ODAD4: variants seen among roughly 807,000 people sequenced by gnomAD.
ODAD4 encodes outer dynein arm-docking complex subunit 4.
A neutral mutation model predicts 51.8 loss-of-function variants in ODAD4; 49 were observed. That is an observed-to-expected ratio of 0.95 (90% CI 0.75 to 1.20). The LOEUF is 1.20. Ranked by LOEUF, ODAD4 falls within the 50% of genes most tolerant of loss-of-function variation. ODAD4 has a pLI of 0.00. For missense variants in ODAD4, 590 were observed against 586.5 expected, an observed-to-expected ratio of 1.01 and a Z score of -0.06; for synonymous variants, 235 against 221.3, an observed-to-expected ratio of 1.06 and a Z score of -0.55.
intron 9 of ODAD4, 133 bp downstream of exon 9, chr17:41,949,482 A>C (rs2050627005): frequency 2.5e-6 from 1 of 395,792 alleles, no homozygotes. Context: ...AGTGGGGATA[A>C]GCCACTCTAT....
chr17:41,936,837 G>T lies in ODAD4; in HGVS notation c.535G>T (p.Ala179Ser), dbSNP rs782030532. The T allele has an allele frequency of 1.8e-5, 29 of 1,613,844 alleles. No homozygotes were observed. The Admixed American group carries it at 3.8e-4, about 21-fold the overall frequency. ...HPTKGEPKWK[A>S]SLKSEKTVRQ... ...CACCAAGGGAGAGCCCAAGTGGAAGGCCTCGCTCAAGAGTGAGAAGACTGT... is the reference window on the plus strand; with the variant it reads ...CACCAAGGGAGAGCCCAAGTGGAAGTCCTCGCTCAAGAGTGAGAAGACTGT... Residue 179 changes from alanine to serine, a missense_variant, in exon 5 of 12, where the codon GCC becomes TCC. Ala to Ser is a moderately conservative substitution (Grantham distance 99). This residue lies in a region of ODAD4 where 360 missense variants were observed against 407.5 expected (regional missense o/e 0.88). Coordinates refer to ENST00000377540, the MANE Select transcript of ODAD4 (RefSeq NM_031421.5).
intron 1 of ODAD4, among the ~76,000 whole-genome samples, chr17:41,931,794 G>C (rs1329131661): frequency 6.6e-6 from 1 of 152,014 alleles, no homozygotes; most frequent in Non-Finnish European, 1.5e-5. Context: ...CACCTGCCTC[G>C]GCCCCCCAAA....
In ODAD4 at chr17:41,938,788, G is replaced by A. The variant is rs1555638269; in HGVS notation, c.850+7G>A. The A allele has an allele frequency of 1.2e-6, 2 of 1,611,842 alleles. No individual in the cohort carries two copies. Among genetic ancestry groups the A allele is most frequent in the African/African-American group, 1.3e-5 (1 of 75,028 alleles). On this transcript the variant is annotated splice_region_variant and intron_variant, in intron 6 of 11. Coordinates refer to ENST00000377540, the MANE Select transcript of ODAD4 (RefSeq NM_031421.5). Reference sequence around the variant, plus strand: ...CTGGAGGACATTGATATGTGTAGGTGTTGTTCTCAGAGGGTGGGGCAGGTG... The same window carrying A: ...CTGGAGGACATTGATATGTGTAGGTATTGTTCTCAGAGGGTGGGGCAGGTG...
At chr17:41,935,146 G>T (rs1412141521) in intron 1 of ODAD4, 71 bp from the exon 2 acceptor site, 1 of 1,590,902 alleles carries the variant, frequency 6.3e-7, no homozygotes, top group Non-Finnish European at 8.6e-7. Flanking sequence ...GAGGGTTTGG[G>T]CTGCCCTTCC....
chr17:41,945,656 T>G (rs1168873282), intron 8 of ODAD4, among the ~76,000 whole-genome samples: 1 of 152,174 alleles, frequency 6.6e-6, no homozygotes, highest in Admixed American at 6.5e-5. Context: ...CCCAGCACTT[T>G]GGGAGGCCGA....
At chr17:41,955,421 T>G in intron 10 of ODAD4, 104 bp downstream of exon 10, 1 of 643,044 alleles carries the variant, frequency 1.6e-6, no homozygotes, top group South Asian at 1.7e-5. Flanking sequence ...ACAGCCGTTT[T>G]TTTGTTTGTT....
In ODAD4 at chr17:41,966,379, GAATGCCAGCA is replaced by G. The variant is rs1555642762; in HGVS notation, c.*900_*909del. On this transcript the variant is annotated 3_prime_UTR_variant, in exon 12 of 12. Coordinates refer to ENST00000377540, the MANE Select transcript of ODAD4 (RefSeq NM_031421.5). ...GGCATTTCAGATGCAGAGTTTACCG[GAATGCCAGCA>G]AATTGCATGATAATATTTTAATCCA... Among the ~76,000 whole-genome samples the G allele has an allele frequency of 3.3e-5, 5 of 152,162 alleles. No individual in the cohort carries two copies.
At chr17:41,941,095 T>C (rs1229144382) in intron 7 of ODAD4, among the ~76,000 whole-genome samples, 1 of 152,232 alleles carries the variant, frequency 6.6e-6, no homozygotes, top group Non-Finnish European at 1.5e-5. Context: ...TCACTGTTCA[T>C]GCCCAGCAAT....
At chr17:41,937,098 C>T in intron 5 of ODAD4, 171 bp downstream of exon 5, 1 of 770,336 alleles carries the variant, frequency 1.3e-6, no homozygotes. Context: ...CGCAGACCAA[C>T]AGAAACTAAG....
intron 10 of ODAD4, among the ~76,000 whole-genome samples, chr17:41,956,736 G>A (rs1555641097): frequency 6.6e-6 from 1 of 151,754 alleles, no homozygotes; most frequent in Non-Finnish European, 1.5e-5. Context: ...GTGACAGAGC[G>A]AGACCCTGTC....
At chr17:41,939,609 C>A (rs1345138985) in intron 7 of ODAD4, among the ~76,000 whole-genome samples, 18 of 152,160 alleles carry the variant, frequency 1.2e-4, no homozygotes, top group Admixed American at 1.1e-3. Flanking sequence ...AGTACAGGAT[C>A]CAGTGTGGTG....
chr17:41,957,341 C>T lies in ODAD4; in HGVS notation c.1443+2024C>T, dbSNP rs574575332. ...CTCAGATCATCAGACATTAGATTCT[C>T]ATGAGGAGCATGCAACATAGATCCC... On this transcript the variant is annotated intron_variant, in intron 10 of 11. Transcript: ENST00000377540. Among the ~76,000 whole-genome samples, 4 of 152,274 alleles carry T rather than the reference C, an allele frequency of 2.6e-5. No individual in the cohort carries two copies. In the South Asian group the frequency reaches 6.2e-4, roughly 24 times the overall value.
At chr17:41,955,707 AG>A (rs1317074263) in intron 10 of ODAD4, among the ~76,000 whole-genome samples, 1 of 152,198 alleles carries the variant, frequency 6.6e-6, no homozygotes, top group African/African-American at 2.4e-5. Context: ...TACAGGCGTG[AG>A]CCACTGTGCC....
chr17:41,942,778 C>T (rs951870905), intron 7 of ODAD4, among the ~76,000 whole-genome samples: 2 of 152,138 alleles, frequency 1.3e-5, no homozygotes, highest in Non-Finnish European at 2.9e-5. Flanking sequence ...GGCCTGCAGG[C>T]AGTGGGAGGT....
chr17:41,950,073 G>A (rs36133931), intron 9 of ODAD4, among the ~76,000 whole-genome samples: 33,181 of 151,776 alleles, frequency 0.22, 4,283 homozygotes, highest in Admixed American at 0.34. Context: ...GGGTTCAAGC[G>A]ATTCTCCTGC....
At chr17:41,933,022 C>T (rs889196619) in intron 1 of ODAD4, among the ~76,000 whole-genome samples, 3 of 151,912 alleles carry the variant, frequency 2.0e-5, no homozygotes, top group African/African-American at 7.3e-5. Flanking sequence ...GTCGTTTGTC[C>T]CTTTCAGTCA....
intron 10 of ODAD4, among the ~76,000 whole-genome samples, chr17:41,960,949 G>A (rs1338885985): frequency 1.3e-5 from 2 of 152,194 alleles, no homozygotes; most frequent in South Asian, 4.1e-4. Context: ...AGACATTCTG[G>A]AAGGCCCTTC....
At chr17:41,947,884 C>T (rs1416556817) in intron 8 of ODAD4, among the ~76,000 whole-genome samples, 8 of 152,128 alleles carry the variant, frequency 5.3e-5, no homozygotes, top group Non-Finnish European at 1.0e-4. Flanking sequence ...CTTTGGGAGG[C>T]TGAGGCGGGT....
intron 7 of ODAD4, among the ~76,000 whole-genome samples, chr17:41,942,373 T>C (rs1313976309): frequency 1.3e-5 from 2 of 152,030 alleles, no homozygotes; most frequent in Non-Finnish European, 2.9e-5. Context: ...AAGTGGTTTT[T>C]TCAGTGCCCA....
Sources: allele counts gnomAD v4.1 joint callset (sites outside exome capture counted in the v4.1 genomes callset), GRCh38; gene constraint gnomAD v4.1.1; regional missense constraint gnomAD v4.1.1; transcripts MANE v1.5; gene names NCBI Gene and HGNC (gene_info 2026-07-23, HGNC 2026-07-21).